VWC2L: variants seen among roughly 807,000 people sequenced by gnomAD.
VWC2L encodes von Willebrand factor C domain-containing protein 2-like.
A neutral mutation model predicts 21.6 loss-of-function variants in VWC2L; 10 were observed. The observed-to-expected ratio is 0.46, with a 90% CI of 0.29 to 0.78. The LOEUF (loss-of-function observed/expected upper bound fraction) is 0.78, where lower values mean the gene tolerates loss of function less well. Ranked by LOEUF, VWC2L falls within the 30% of genes least tolerant of loss-of-function variation. VWC2L has a pLI of 0.10. For missense variants in VWC2L, 209 were observed against 277.1 expected, an observed-to-expected ratio of 0.75 and a Z score of 1.74; for synonymous variants, 96 against 94.3, an observed-to-expected ratio of 1.02 and a Z score of -0.10.
intron 3 of VWC2L, among the ~76,000 whole-genome samples, chr2:214,442,070 C>A (rs1702769365): frequency 6.6e-6 from 1 of 151,926 alleles, no homozygotes; most frequent in South Asian, 2.1e-4. Flanking sequence ...CGCCACCACA[C>A]CCGGCTAATT....
chr2:214,506,210 T>G (rs1330952619), intron 3 of VWC2L, among the ~76,000 whole-genome samples: 1 of 152,138 alleles, frequency 6.6e-6, no homozygotes, highest in Non-Finnish European at 1.5e-5. Flanking sequence ...TGACTTTTAT[T>G]TGGGCAAAAA....
intron 3 of VWC2L, among the ~76,000 whole-genome samples, chr2:214,479,543 G>A (rs1367027122): frequency 1.3e-5 from 2 of 152,122 alleles, no homozygotes; most frequent in Non-Finnish European, 1.5e-5. Context: ...GGTAGCTTAC[G>A]CCTGTTATCC....
chr2:214,524,054 A>C (rs1391300755), intron 3 of VWC2L, among the ~76,000 whole-genome samples: 1 of 152,220 alleles, frequency 6.6e-6, no homozygotes, highest in Non-Finnish European at 1.5e-5. Flanking sequence ...AATCATTATT[A>C]CAAGAGAACA....
At chr2:214,413,360 T>C (rs1281351407) in intron 1 of VWC2L, among the ~76,000 whole-genome samples, 1 of 152,106 alleles carries the variant, frequency 6.6e-6, no homozygotes, top group Non-Finnish European at 1.5e-5. Flanking sequence ...CCTTCCTATG[T>C]AAAATAATGT....
intron 3 of VWC2L, among the ~76,000 whole-genome samples, chr2:214,479,409 T>C (rs1688570298): frequency 1.3e-5 from 2 of 152,252 alleles, no homozygotes; most frequent in South Asian, 4.1e-4. Flanking sequence ...TATAAAACTT[T>C]GAATTTTTAT....
At chr2:214,534,949 G>A (rs1293468544) in intron 3 of VWC2L, among the ~76,000 whole-genome samples, 1 of 152,180 alleles carries the variant, frequency 6.6e-6, no homozygotes, top group East Asian at 1.9e-4. Context: ...TGGGCCTTAG[G>A]AAAGAGGTTA....
At chr2:214,428,201 A>G (rs1702553372) in intron 2 of VWC2L, among the ~76,000 whole-genome samples, 1 of 152,212 alleles carries the variant, frequency 6.6e-6, no homozygotes. Flanking sequence ...GTGCTTTCAC[A>G]TATTATATAG....
chr2:214,518,191 G>C (rs1251528006), intron 3 of VWC2L, among the ~76,000 whole-genome samples: 2 of 151,880 alleles, frequency 1.3e-5, no homozygotes, highest in Non-Finnish European at 1.5e-5. Context: ...AATTAGTACT[G>C]TATGTCAACT....
intron 3 of VWC2L, among the ~76,000 whole-genome samples, chr2:214,505,986 A>AT (rs1688962726): frequency 6.6e-6 from 1 of 152,118 alleles, no homozygotes; most frequent in Non-Finnish European, 1.5e-5. Context: ...TGATTCGCTT[A>AT]TTTTCATACC....
chr2:214,530,022 G>A (rs540287654), intron 3 of VWC2L, among the ~76,000 whole-genome samples: 7 of 152,242 alleles, frequency 4.6e-5, no homozygotes, highest in Non-Finnish European at 8.8e-5. Context: ...TTTCACAGCA[G>A]CAGCAAAAGC....
intron 3 of VWC2L, among the ~76,000 whole-genome samples, chr2:214,575,225 G>A (rs537212833): frequency 4.6e-5 from 7 of 152,158 alleles, no homozygotes; most frequent in South Asian, 4.2e-4. Flanking sequence ...GGGAACGAGC[G>A]AGTTTATTGT....
chr2:214,557,959 T>C (rs1307228800), intron 3 of VWC2L, among the ~76,000 whole-genome samples: 1 of 152,180 alleles, frequency 6.6e-6, no homozygotes, highest in African/African-American at 2.4e-5. Flanking sequence ...ACTGAACTCT[T>C]TTTATTTCTG....
intron 3 of VWC2L, among the ~76,000 whole-genome samples, chr2:214,486,152 T>C (rs1337735624): frequency 1.3e-5 from 2 of 152,208 alleles, no homozygotes; most frequent in Non-Finnish European, 2.9e-5. Flanking sequence ...GCCCTTTTAA[T>C]TGCTTATTTA....
intron 3 of VWC2L, among the ~76,000 whole-genome samples, chr2:214,524,932 CTT>C (rs5838441): frequency 2.8e-5 from 4 of 144,866 alleles, no homozygotes. Flanking sequence ...CTTTGGCTGG[CTT>C]TTTTTTTTTT....
chr2:214,417,788 T>C (rs1270568910), intron 2 of VWC2L, among the ~76,000 whole-genome samples: 3 of 152,168 alleles, frequency 2.0e-5, no homozygotes, highest in East Asian at 3.8e-4. Context: ...ATAGATGACC[T>C]AGTTAAACAT....
Position 214,511,701 on chromosome 2 carries a change from C to A in VWC2L, c.521-63971C>A, listed in dbSNP as rs79004464. ...ATTTCGTTATGGCAGTCTGAGCATA[C>A]TAGCACACACATCTGAAAAATATAT... On this transcript the variant is annotated intron_variant, in intron 3 of 3. Coordinates refer to ENST00000312504, the MANE Select transcript of VWC2L (RefSeq NM_001080500.4). 4.9e-3 allele frequency among the ~76,000 whole-genome samples: 742 copies of A among 152,090 alleles called. 7 individuals carry two copies. The highest frequency in any genetic ancestry group is 0.017 in the African/African-American group (701 of 41,476).
chr2:214,426,778 T>A (rs999444861), intron 2 of VWC2L, among the ~76,000 whole-genome samples: 2 of 152,246 alleles, frequency 1.3e-5, no homozygotes, highest in Non-Finnish European at 2.9e-5. Flanking sequence ...GTAGAGATAG[T>A]GTAGTTTTCA....
intron 3 of VWC2L, among the ~76,000 whole-genome samples, chr2:214,512,579 A>T (rs1689073070): frequency 6.6e-6 from 1 of 152,062 alleles, no homozygotes; most frequent in Non-Finnish European, 1.5e-5. Flanking sequence ...AAAAAAAAAA[A>T]TTTTACTCTC....
intron 3 of VWC2L, among the ~76,000 whole-genome samples, chr2:214,572,011 G>A (rs1690156777): frequency 6.6e-6 from 1 of 152,006 alleles, no homozygotes; most frequent in Non-Finnish European, 1.5e-5. Context: ...CAAACTCCTG[G>A]GCTCAAGTGA....
Sources: gnomAD v4.1 joint callset for allele counts (sites outside exome capture counted in the v4.1 genomes callset) on GRCh38, gnomAD v4.1.1 for gene constraint, MANE v1.5 for transcripts, NCBI Gene and HGNC (gene_info 2026-07-23, HGNC 2026-07-21) for gene names.